PRKN: variants seen among roughly 807,000 people sequenced by gnomAD.
The protein encoded by PRKN is parkin RBR E3 ubiquitin protein ligase.
PRKN carries 56 observed loss-of-function variants against 59.5 expected under a neutral mutation model. The ratio of observed to expected loss-of-function variants is 0.94; its 90% CI spans 0.76 to 1.18. The LOEUF is 1.18. Ranked by LOEUF, PRKN falls within the 50% of genes most tolerant of loss-of-function variation. PRKN has a pLI of 0.00. For synonymous variants in PRKN, 250 were observed against 222.1 expected (o/e 1.13, Z -1.12); for missense variants, 657 against 596.4 (o/e 1.10, Z -1.06).
intron 9 of PRKN, among the ~76,000 whole-genome samples, chr6:161,411,981 CTCAT>C (rs1372768005): frequency 6.7e-6 from 1 of 150,116 alleles, no homozygotes; most frequent in Non-Finnish European, 1.5e-5. Flanking sequence ...CCATTCCTTC[CTCAT>C]TCATTCCTTC....
intron 2 of PRKN, among the ~76,000 whole-genome samples, chr6:162,396,918 C>T (rs573627454): frequency 5.1e-4 from 78 of 152,274 alleles, no homozygotes; most frequent in African/African-American, 1.6e-3. Context: ...CCTAAACACA[C>T]AGGCATGAAC....
chr6:162,536,612 C>G (rs35050167), intron 1 of PRKN, among the ~76,000 whole-genome samples: 12,848 of 152,090 alleles, frequency 0.084, 693 homozygotes, highest in South Asian at 0.18. Context: ...GCCATCGATG[C>G]TGTGATACCG....
chr6:162,179,968 CTGTG>C (rs61592555), intron 4 of PRKN, among the ~76,000 whole-genome samples: 1,972 of 139,784 alleles, frequency 0.014, 37 homozygotes, highest in African/African-American at 0.043. Context: ...TATCTTATTA[CTGTG>C]TGTGTGTGTG....
intron 3 of PRKN, among the ~76,000 whole-genome samples, chr6:162,248,839 A>AC (rs1396472299): frequency 6.6e-6 from 1 of 151,998 alleles, no homozygotes; most frequent in Non-Finnish European, 1.5e-5. Context: ...TTTCTTCTTC[A>AC]TCAGTATCAC....
rs1426975181 is a variant in PRKN, at chr6:161,993,241, T to TA, written c.619-19825dup. On this transcript the variant is annotated intron_variant, in intron 5 of 11. Coordinates refer to ENST00000366898, the MANE Select transcript of PRKN (RefSeq NM_004562.3). Reference sequence around the variant, plus strand: ...CAAGAAAAAAGATAGAAGACTCAAATAAAAAAAGCATACACGAATAGGAGA... The same window carrying TA: ...CAAGAAAAAAGATAGAAGACTCAAATAAAAAAAAGCATACACGAATAGGAGA... Among the ~76,000 whole-genome samples the TA allele has an allele frequency of 4.0e-5, 6 of 151,778 alleles. No individual in the cohort carries two copies. In the East Asian group the frequency reaches 1.2e-3, roughly 30 times the overall value.
chr6:161,830,344 T>C (rs553283935), intron 6 of PRKN, among the ~76,000 whole-genome samples: 16 of 151,698 alleles, frequency 1.1e-4, no homozygotes, highest in African/African-American at 3.4e-4. Flanking sequence ...CTCCGCCTCC[T>C]GGGTTCACGC....
At chr6:161,631,237 A>T (rs1204426519) in intron 7 of PRKN, among the ~76,000 whole-genome samples, 1 of 152,192 alleles carries the variant, frequency 6.6e-6, no homozygotes, top group Non-Finnish European at 1.5e-5. Flanking sequence ...CATAGATAGA[A>T]TTTTTTCTGA....
At chr6:162,639,955 C>T (rs980349729) in intron 1 of PRKN, among the ~76,000 whole-genome samples, 1 of 152,086 alleles carries the variant, frequency 6.6e-6, no homozygotes, top group East Asian at 1.9e-4. Context: ...TTATTATAGT[C>T]CTCATATTTT....
At position 161,512,726 on chromosome 6, in the gene PRKN, T is replaced by C. The variant is rs563705392; in HGVS notation, c.1083+36128A>G. 7.0e-4 allele frequency among the ~76,000 whole-genome samples: 107 copies of C among 152,348 alleles called. 1 individual carries two copies. Among genetic ancestry groups the C allele is most frequent in the African/African-American group, 2.5e-3 (104 of 41,578 alleles). Reference sequence around the variant, plus strand: ...AGGAGAAAACAATCACGTGTGACTATGTAGAGCAAACGCGGAGAGGCAAGT... The same window carrying C: ...AGGAGAAAACAATCACGTGTGACTACGTAGAGCAAACGCGGAGAGGCAAGT... On this transcript the variant is annotated intron_variant, in intron 9 of 11. Transcript: ENST00000366898.
At chr6:162,341,282 A>T (rs1784166251) in intron 2 of PRKN, among the ~76,000 whole-genome samples, 2 of 152,172 alleles carry the variant, frequency 1.3e-5, no homozygotes, top group Admixed American at 1.3e-4. Flanking sequence ...GATGTGGAGA[A>T]ATAGAAACAC....
In PRKN at chr6:162,569,145, A is replaced by G. The variant is rs1302211547; in HGVS notation, c.8-125672T>C. ...ACCCAACCTCAGCCGGGCTGAGGCT[A>G]AGAGCATGTACCAGATCAAGTATAA... On this transcript the variant is annotated intron_variant, in intron 1 of 11. Coordinates refer to ENST00000366898, the MANE Select transcript of PRKN (RefSeq NM_004562.3). 8.1e-6 allele frequency: 5 copies of G among 619,948 alleles called. No homozygotes were observed. In the African/African-American group the frequency reaches 9.1e-5, roughly 11 times the overall value. 38.4% of individuals were successfully genotyped at this position (619,948 alleles called of 1,614,324 possible).
intron 2 of PRKN, among the ~76,000 whole-genome samples, chr6:162,288,939 T>A (rs1030912804): frequency 6.6e-6 from 1 of 152,190 alleles, no homozygotes; most frequent in African/African-American, 2.4e-5. Context: ...AGTCTGTTTT[T>A]CACTTTAAGG....
Position 162,092,477 on chromosome 6 carries a change from C to A in PRKN, c.535-38303G>T, listed in dbSNP as rs1027970355. On this transcript the variant is annotated intron_variant, in intron 4 of 11. Coordinates refer to ENST00000366898, the MANE Select transcript of PRKN (RefSeq NM_004562.3). Reference sequence around the variant, plus strand: ...AAAAAATTTTGTTTTAAATCATTCACAATTGAGTTCCCATCCTATTGTAAG... The same window carrying A: ...AAAAAATTTTGTTTTAAATCATTCAAAATTGAGTTCCCATCCTATTGTAAG... Among the ~76,000 whole-genome samples the A allele has an allele frequency of 1.1e-3, 167 of 152,266 alleles. 2 individuals carry two copies. Among genetic ancestry groups the A allele is most frequent in the Non-Finnish European group, 1.5e-4 (10 of 68,024 alleles).
intron 7 of PRKN, among the ~76,000 whole-genome samples, chr6:161,700,581 AT>A (rs1005142403): frequency 6.6e-6 from 1 of 152,132 alleles, no homozygotes; most frequent in Admixed American, 6.5e-5. Context: ...CCTGGAGTAA[AT>A]TTAAGGATAT....
At chr6:162,468,106 C>T (rs931479359) in intron 1 of PRKN, among the ~76,000 whole-genome samples, 1 of 152,114 alleles carries the variant, frequency 6.6e-6, no homozygotes, top group Non-Finnish European at 1.5e-5. Context: ...AATGTAAGCC[C>T]CGACAGGACA....
At position 161,985,221 on chromosome 6, in the gene PRKN, C is replaced by T. The variant is rs147414760; in HGVS notation, c.619-11804G>A. 1.1e-4 allele frequency among the ~76,000 whole-genome samples: 17 copies of T among 152,320 alleles called. No homozygotes were observed. In the East Asian group the frequency reaches 2.1e-3, roughly 19 times the overall value. ...AATAAAAGAACATTTATTATTCTAGCTGTTCTTTCTCTCCTTTAGAAGCTA... is the reference window on the plus strand; with the variant it reads ...AATAAAAGAACATTTATTATTCTAGTTGTTCTTTCTCTCCTTTAGAAGCTA... On this transcript the variant is annotated intron_variant, in intron 5 of 11. Coordinates refer to ENST00000366898, the MANE Select transcript of PRKN (RefSeq NM_004562.3).
At chr6:161,519,225 G>A (rs1778729467) in intron 9 of PRKN, among the ~76,000 whole-genome samples, 1 of 152,086 alleles carries the variant, frequency 6.6e-6, no homozygotes, top group Admixed American at 6.6e-5. Flanking sequence ...GGATGGTGCT[G>A]TTCAAGGTTC....
chr6:162,590,817 A>C (rs1237433449), intron 1 of PRKN, among the ~76,000 whole-genome samples: 1 of 152,204 alleles, frequency 6.6e-6, no homozygotes, highest in African/African-American at 2.4e-5. Context: ...GCACAGACGC[A>C]ACGTGTCACT....
rs750119341 is a variant in PRKN, at chr6:161,371,235, G to A, written c.1168-11030C>T. On this transcript the variant is annotated intron_variant, in intron 10 of 11. Coordinates refer to ENST00000366898, the MANE Select transcript of PRKN (RefSeq NM_004562.3). The surrounding 1 kb of genome is among the most constrained non-coding windows in gnomAD (Gnocchi z 5.5). ...GCTGGAGTGCAATGGTGAAATCTCC[G>A]CTCACTGCAACCTCCACCTCCTGGG... 7.3e-5 allele frequency among the ~76,000 whole-genome samples: 11 copies of A among 151,604 alleles called. No homozygotes were observed. Among genetic ancestry groups the A allele is most frequent in the East Asian group, 3.9e-4 (2 of 5,166 alleles).
Sources: allele counts gnomAD v4.1 joint callset (sites outside exome capture counted in the v4.1 genomes callset), GRCh38; gene constraint gnomAD v4.1.1; non-coding constraint Gnocchi (gnomAD v3.1); transcripts MANE v1.5; gene names NCBI Gene and HGNC (gene_info 2026-07-23, HGNC 2026-07-21).